Variants in SLFN12L observed in about 807,000 individuals in gnomAD.
The protein encoded by SLFN12L is schlafen family member 12 like.
A neutral mutation model predicts 34.8 loss-of-function variants in SLFN12L; 34 were observed. That is an observed-to-expected ratio of 0.98 (90% CI 0.74 to 1.30). SLFN12L has a LOEUF of 1.30. Ranked by LOEUF, SLFN12L falls within the 50% of genes most tolerant of loss-of-function variation. The pLI is 0.00. For missense variants in SLFN12L, 703 were observed against 696.2 expected (o/e 1.01, Z -0.11); for synonymous variants, 259 against 247.5 (o/e 1.05, Z -0.44).
chr17:35,503,869 C>T (rs973560109), intron 2 of SLFN12L, among the ~76,000 whole-genome samples: 2 of 152,036 alleles, frequency 1.3e-5, no homozygotes, highest in African/African-American at 4.8e-5. Flanking sequence ...TGCTATCCAC[C>T]GAGACTGCTG....
chr17:35,480,057 A>T lies in SLFN12L; in HGVS notation c.225T>A (p.Asp75Glu), dbSNP rs778298542. The change falls in exon 3 of 5, where the codon GAT (aspartate) becomes GAA (glutamate). Residue 75 changes from aspartate (D) to glutamate (E), a missense_variant. By Grantham distance (45) the Asp-to-Glu change is conservative (BLOSUM62 2). Coordinates refer to ENST00000628453, the MANE Select transcript of SLFN12L (RefSeq NM_001363830.2). ...CATTCTGCTGTTTTCTCAGTTGACAATCCTTCATTTTTTTTCTATTGTTCT... is the reference window on the plus strand; with the variant it reads ...CATTCTGCTGTTTTCTCAGTTGACATTCCTTCATTTTTTTTCTATTGTTCT... ...LGENNRKKMK[D>E]CQLRKQQNEN... is the part of the protein sequence containing the mutation. The T allele has an allele frequency of 2.0e-5, 32 of 1,613,900 alleles. No homozygotes were observed. The African/African-American group carries it at 3.6e-4, about 18-fold the overall frequency.
intron 3 of SLFN12L, 59 bp from the exon 4 acceptor site, chr17:35,478,244 A>C: frequency 9.2e-7 from 1 of 1,084,694 alleles, no homozygotes; most frequent in South Asian, 1.4e-5. Flanking sequence ...GGAGAGACTC[A>C]AGCTAACTAA....
intron 1 of SLFN12L, among the ~76,000 whole-genome samples, chr17:35,530,798 ACAAT>A (rs1373866557): frequency 2.0e-5 from 3 of 152,222 alleles, no homozygotes; most frequent in Non-Finnish European, 2.9e-5. Flanking sequence ...CACAACCTGC[ACAAT>A]CACTTTTTTC....
intron 2 of SLFN12L, among the ~76,000 whole-genome samples, chr17:35,488,497 C>T (rs1312810016): frequency 1.3e-5 from 2 of 152,206 alleles, no homozygotes; most frequent in South Asian, 2.1e-4. Flanking sequence ...ATACAGCCCT[C>T]CTGTCACGTT....
At chr17:35,499,018 T>C (rs898682659) in intron 2 of SLFN12L, 31 of 721,184 alleles carry the variant, frequency 4.3e-5, no homozygotes, top group Admixed American at 1.5e-4. Context: ...TAGCAGCTGT[T>C]GAACACTGCA....
At position 35,472,969 on chromosome 17, in the gene SLFN12L, ATG is replaced by A. The variant is rs1315541175; in HGVS notation, c.*1952_*1953del. ...TCTCTGCTTGTCTATTGTTGGTGTA[ATG>A]GAATGCTTGTGACTTTTGCACATTG... On this transcript the variant is annotated 3_prime_UTR_variant, in exon 5 of 5. Coordinates refer to ENST00000628453, the MANE Select transcript of SLFN12L (RefSeq NM_001363830.2). Among the ~76,000 whole-genome samples the A allele has an allele frequency of 1.0e-3, 156 of 152,058 alleles. No homozygotes were observed. The highest frequency in any genetic ancestry group is 1.9e-3 in the Admixed American group (29 of 15,260).
At chr17:35,508,584 G>A (rs8069288) in intron 2 of SLFN12L, among the ~76,000 whole-genome samples, 67,604 of 151,942 alleles carry the variant, frequency 0.44, 16,912 homozygotes, top group Non-Finnish European at 0.55. Flanking sequence ...TCCTGACCTC[G>A]TGATCTGCCC....
In SLFN12L at chr17:35,502,429, A is replaced by C. The variant is rs996924418; in HGVS notation, c.86+19850T>G. ...AAGTATCCTAAGGAAAAAAAAAAAA[A>C]AAAAAAAAAAAAAACGATGATTTAA... On this transcript the variant is annotated intron_variant, in intron 2 of 4. Coordinates refer to ENST00000628453, the MANE Select transcript of SLFN12L (RefSeq NM_001363830.2). 6.5e-3 allele frequency among the ~76,000 whole-genome samples: 966 copies of C among 148,070 alleles called. 20 individuals are homozygous for C. The highest frequency in any genetic ancestry group is 0.023 in the African/African-American group (907 of 40,064).
At chr17:35,519,876 C>T (rs938571734) in intron 2 of SLFN12L, among the ~76,000 whole-genome samples, 1 of 152,106 alleles carries the variant, frequency 6.6e-6, no homozygotes, top group Non-Finnish European at 1.5e-5. Flanking sequence ...CCCAGAAAAA[C>T]CTTAAAAGTT....
intron 2 of SLFN12L, among the ~76,000 whole-genome samples, chr17:35,482,198 C>A (rs1470837391): frequency 6.6e-6 from 1 of 152,246 alleles, no homozygotes; most frequent in Non-Finnish European, 1.5e-5. Flanking sequence ...AACACCTGTG[C>A]TCTACCTTGA....
chr17:35,520,321 C>T (rs4796094), intron 2 of SLFN12L, among the ~76,000 whole-genome samples: 140,527 of 152,348 alleles, frequency 0.92, 64,897 homozygotes, highest in East Asian at 1. Flanking sequence ...CCATGGACTG[C>T]TTCTGGCTGG....
rs1287633591 is a variant in SLFN12L, at chr17:35,473,048, G to A, written c.*1875C>T. The stretch of plus-strand genomic sequence containing the variant: ...GTTGCTTATCAGCTTAAGGAATTTG[G>A]AGGCTGAGATGATGGGATTTTCTAG... On this transcript the variant is annotated 3_prime_UTR_variant, in exon 5 of 5. Coordinates refer to ENST00000628453, the MANE Select transcript of SLFN12L (RefSeq NM_001363830.2). Among the ~76,000 whole-genome samples the A allele has an allele frequency of 1.3e-5, 2 of 152,110 alleles. No individual in the cohort carries two copies. Among genetic ancestry groups the A allele is most frequent in the Admixed American group, 6.5e-5 (1 of 15,270 alleles).
intron 2 of SLFN12L, among the ~76,000 whole-genome samples, chr17:35,500,990 G>A (rs1915276040): frequency 6.6e-6 from 1 of 152,232 alleles, no homozygotes; most frequent in South Asian, 2.1e-4. Context: ...ACGTGAGTCT[G>A]CCAATGCTCC....
At chr17:35,508,276 C>T (rs1031355526) in intron 2 of SLFN12L, among the ~76,000 whole-genome samples, 12 of 152,296 alleles carry the variant, frequency 7.9e-5, no homozygotes, top group African/African-American at 2.4e-4. Flanking sequence ...TTTTTGGAGA[C>T]GTGAGTCTGC....
chr17:35,527,987 A>AAGTTGCTTAAGCT (rs1271961770), intron 1 of SLFN12L, among the ~76,000 whole-genome samples: 3 of 152,236 alleles, frequency 2.0e-5, no homozygotes, highest in Admixed American at 6.5e-5. Context: ...CCTTAAGCTT[A>AAGTTGCTTAAGCT]TAAGCAACTT....
chr17:35,496,130 G>C (rs1206331518), intron 2 of SLFN12L, among the ~76,000 whole-genome samples: 8 of 152,022 alleles, frequency 5.3e-5, no homozygotes, highest in Non-Finnish European at 8.8e-5. Context: ...GACGTGACCA[G>C]TTACCAGGGA....
Position 35,467,978 on chromosome 17 carries a change from C to T in SLFN12L, c.*6945G>A, listed in dbSNP as rs558096181. Among the ~76,000 whole-genome samples the T allele has an allele frequency of 4.5e-4, 69 of 152,284 alleles. No homozygotes were observed. The highest frequency in any genetic ancestry group is 1.5e-3 in the African/African-American group (64 of 41,554). On this transcript the variant is annotated 3_prime_UTR_variant, in exon 5 of 5. Coordinates refer to ENST00000628453, the MANE Select transcript of SLFN12L (RefSeq NM_001363830.2). ...AGGCTGGAGTGCAGTGGCGTGATCA[C>T]GATTCACTCCCCACTCTACTTCCTG...
intron 2 of SLFN12L, among the ~76,000 whole-genome samples, chr17:35,503,476 A>G (rs1915368488): frequency 6.6e-6 from 1 of 152,220 alleles, no homozygotes; most frequent in Admixed American, 6.5e-5. Context: ...TTAATAGCAT[A>G]CTAATATAAA....
At chr17:35,477,622 G>A (rs1914093704) in intron 4 of SLFN12L, among the ~76,000 whole-genome samples, 1 of 151,990 alleles carries the variant, frequency 6.6e-6, no homozygotes, top group Non-Finnish European at 1.5e-5. Flanking sequence ...GCAAAAGACA[G>A]AATCGCCACT....
Sources: gnomAD v4.1 joint callset for allele counts (sites outside exome capture counted in the v4.1 genomes callset) on GRCh38, gnomAD v4.1.1 for gene constraint, MANE v1.5 for transcripts, NCBI Gene and HGNC (gene_info 2026-07-23, HGNC 2026-07-21) for gene names.